Variants in GLYR1 observed in about 807,000 individuals in gnomAD.
GLYR1 encodes the protein cytokine-like nuclear factor N-PAC.
GLYR1 carries 21 observed loss-of-function variants against 72.7 expected under a neutral mutation model. The ratio of observed to expected loss-of-function variants is 0.29; its 90% CI spans 0.20 to 0.42. GLYR1 has a LOEUF of 0.42. Ranked by LOEUF, GLYR1 falls within the 10% of genes least tolerant of loss-of-function variation. The pLI, the probability that GLYR1 is intolerant of heterozygous loss-of-function variation, is 1.00. For missense variants in GLYR1, 594 were observed against 712.1 expected (o/e 0.83, Z 1.89); for synonymous variants, 392 against 270.2 (o/e 1.45, Z -4.42).
At chr16:4,841,826 G>A (rs756139845) in intron 3 of GLYR1, among the ~76,000 whole-genome samples, 2 of 152,200 alleles carry the variant, frequency 1.3e-5, no homozygotes, top group East Asian at 3.9e-4. Context: ...CCTCAGGCAG[G>A]GAGCCTCTTC....
intron 9 of GLYR1, chr16:4,821,079 C>G (rs1311039270): frequency 4.2e-6 from 2 of 476,658 alleles, no homozygotes; most frequent in Non-Finnish European, 7.6e-6. Context: ...GACTGAGAAG[C>G]CACCTTCCAG....
rs2082816755 is a variant in GLYR1, at chr16:4,803,741, A to C, written c.*1495T>G. 1 of 152,152 alleles carries C rather than the reference A, an allele frequency of 6.6e-6. No homozygotes were observed. The highest frequency in any genetic ancestry group is 2.1e-4 in the South Asian group (1 of 4,826). 9.4% of individuals were successfully genotyped at this position (152,152 alleles called of 1,614,324 possible). On this transcript the variant is annotated 3_prime_UTR_variant, in exon 16 of 16. Transcript: ENST00000321919. ...CTCTAACCCAGTTTCTAATCTCTGA[A>C]AGGGGCCAAAGCTGTGAGGGGGGAA...
At chr16:4,830,285 C>T (rs144077769) in intron 5 of GLYR1, among the ~76,000 whole-genome samples, 69 of 150,610 alleles carry the variant, frequency 4.6e-4, no homozygotes, top group Non-Finnish European at 4.3e-4. Context: ...GTCTTGAACT[C>T]CTGGGCTCAT....
chr16:4,823,812 G>A lies in GLYR1; in HGVS notation c.624+9C>T, dbSNP rs751562546. 6 of 1,612,452 alleles carry A rather than the reference G, an allele frequency of 3.7e-6. No homozygotes were observed. Among genetic ancestry groups the A allele is most frequent in the Non-Finnish European group, 5.1e-6 (6 of 1,179,182 alleles). ...CACAGCTTGTCCTGCCTGCAGGAGA[G>A]CTCCTTACCTCGCTTGCGGTTGGCT... On this transcript the variant is annotated intron_variant, in intron 6 of 15. Coordinates refer to ENST00000321919, the MANE Select transcript of GLYR1 (RefSeq NM_032569.4).
rs35409655 is a variant in GLYR1 at position 4,830,221 on chromosome 16, C to CTT, written c.537+1756_537+1757dup. ...AGCCACTGCACCTGGCCAACTTTGTCTTTTTTTTTTTTTTTTTTTTAAGGG... is the reference window on the plus strand; with the variant it reads ...AGCCACTGCACCTGGCCAACTTTGTCTTTTTTTTTTTTTTTTTTTTTTAAGGG... On this transcript the variant is annotated intron_variant, in intron 5 of 15. Coordinates refer to ENST00000321919, the MANE Select transcript of GLYR1 (RefSeq NM_032569.4). 5.5e-3 allele frequency among the ~76,000 whole-genome samples: 679 copies of CTT among 123,564 alleles called. 3 individuals are homozygous for CTT. The highest frequency in any genetic ancestry group is 0.011 in the Admixed American group (135 of 11,832). The allele number at this position is 123,564 out of a possible 152,430, so 81.1% of individuals were successfully genotyped here. A position where few individuals can be genotyped will look rare whatever the true frequency, so the allele number is the denominator to read the frequency against.
chr16:4,827,216 C>T (rs1229829969), intron 5 of GLYR1, among the ~76,000 whole-genome samples: 1 of 152,252 alleles, frequency 6.6e-6, no homozygotes, highest in Non-Finnish European at 1.5e-5. Flanking sequence ...AGTTATCAGC[C>T]TATGTGACTG....
chr16:4,809,222 C>T (rs2083183678), intron 15 of GLYR1, among the ~76,000 whole-genome samples: 1 of 108,936 alleles, frequency 9.2e-6, no homozygotes, highest in South Asian at 3.1e-4. Context: ...TGGAGTCTCA[C>T]TCTGTTGCCC....
chr16:4,807,649 C>T (rs912860255), intron 15 of GLYR1, among the ~76,000 whole-genome samples: 1 of 152,164 alleles, frequency 6.6e-6, no homozygotes, highest in Non-Finnish European at 1.5e-5. Context: ...GAGAAATTAA[C>T]CTAAAAACTC....
chr16:4,841,488 T>TAAAAAAAAAA (rs1297388438), intron 3 of GLYR1, among the ~76,000 whole-genome samples: 8 of 69,598 alleles, frequency 1.1e-4, no homozygotes, highest in East Asian at 7.0e-4. Flanking sequence ...AAAAAAAAAG[T>TAAAAAAAAAA]AAAAAATTTA....
chr16:4,842,159 G>A (rs557333362), intron 3 of GLYR1, among the ~76,000 whole-genome samples: 2 of 151,858 alleles, frequency 1.3e-5, no homozygotes, highest in East Asian at 3.9e-4. Context: ...CAGGAGAATG[G>A]CATGAACCCG....
intron 3 of GLYR1, among the ~76,000 whole-genome samples, chr16:4,834,449 C>G (rs1596383107): frequency 6.6e-6 from 1 of 151,888 alleles, no homozygotes; most frequent in Non-Finnish European, 1.5e-5. Flanking sequence ...CAGGCGTGAG[C>G]CACCACACCT....
chr16:4,832,131 G>C lies in GLYR1; in HGVS notation c.385C>G (p.Leu129Val), dbSNP rs2084839574. ...RPNSGDEKRK[L>V]SLSEGKVKKN... ...TTCACCTTCCCTTCAGACAGGCTAA[G>C]TTTGCGCTTCTCATCACCTGAGTTT... The change falls in exon 5 of 16, where the codon CTT (leucine) becomes GTT (valine). Residue 129 changes from leucine to valine, a missense_variant. Coordinates refer to ENST00000321919, the MANE Select transcript of GLYR1 (RefSeq NM_032569.4). 1 of 1,614,070 alleles carries C rather than the reference G, an allele frequency of 6.2e-7. No homozygotes were observed. Among genetic ancestry groups the C allele is most frequent in the South Asian group, 1.1e-5 (1 of 91,084 alleles).
chr16:4,846,748 G>A (rs1163969139), intron 1 of GLYR1: 3 of 222,744 alleles, frequency 1.3e-5, no homozygotes, highest in South Asian at 5.6e-5. Flanking sequence ...CCGTTTCTTC[G>A]CGGGGCAACG....
At chr16:4,810,659 C>G (rs1335878653) in intron 15 of GLYR1, among the ~76,000 whole-genome samples, 1 of 116,474 alleles carries the variant, frequency 8.6e-6, no homozygotes. Flanking sequence ...GTCAGGAGAT[C>G]GAGACCATCC....
At chr16:4,813,496 A>G (rs915606603) in intron 12 of GLYR1, among the ~76,000 whole-genome samples, 1 of 152,206 alleles carries the variant, frequency 6.6e-6, no homozygotes, top group Non-Finnish European at 1.5e-5. Flanking sequence ...GCTTCTCATC[A>G]TAAGGCTGGC....
At chr16:4,837,306 G>C (rs910638660) in intron 3 of GLYR1, among the ~76,000 whole-genome samples, 1 of 151,980 alleles carries the variant, frequency 6.6e-6, no homozygotes, top group Non-Finnish European at 1.5e-5. Context: ...GGTAGCACAC[G>C]TCTGTAATCC....
intron 2 of GLYR1, among the ~76,000 whole-genome samples, chr16:4,845,498 C>G (rs920769394): frequency 2.0e-5 from 3 of 152,086 alleles, no homozygotes; most frequent in Non-Finnish European, 4.4e-5. Flanking sequence ...CCCCACCACC[C>G]CACCCCTGCT....
At chr16:4,810,257 G>T (rs2083249499) in intron 15 of GLYR1, among the ~76,000 whole-genome samples, 1 of 127,928 alleles carries the variant, frequency 7.8e-6, no homozygotes, top group African/African-American at 2.6e-5. Context: ...AGCACTTTGA[G>T]AGGCTGAGGC....
chr16:4,845,834 C>A (rs1167818667), intron 2 of GLYR1, among the ~76,000 whole-genome samples: 2 of 152,180 alleles, frequency 1.3e-5, no homozygotes, highest in Non-Finnish European at 2.9e-5. Flanking sequence ...TTTCACTAAC[C>A]TACATTTAGA....
Sources: gnomAD v4.1 joint callset for allele counts (sites outside exome capture counted in the v4.1 genomes callset) on GRCh38, gnomAD v4.1.1 for gene constraint, MANE v1.5 for transcripts, NCBI Gene and HGNC (gene_info 2026-07-23, HGNC 2026-07-21) for gene names.